Variants in RAB2A observed in about 807,000 individuals in gnomAD.
The protein encoded by RAB2A is ras-related protein Rab-2A.
A neutral mutation model predicts 32.5 loss-of-function variants in RAB2A; 7 were observed. That is an observed-to-expected ratio of 0.22 (90% CI 0.12 to 0.40). The LOEUF (loss-of-function observed/expected upper bound fraction) is 0.40. Ranked by LOEUF, RAB2A falls within the 10% of genes least tolerant of loss-of-function variation. The pLI, the probability that RAB2A is intolerant of heterozygous loss-of-function variation, is 1.00. For missense variants in RAB2A, 108 were observed against 260.7 expected (o/e 0.41, Z 4.03); for synonymous variants, 79 against 85.2 (o/e 0.93, Z 0.40).
chr8:60,583,567 CTT>C (rs920442300), intron 3 of RAB2A, among the ~76,000 whole-genome samples: 8 of 152,082 alleles, frequency 5.3e-5, no homozygotes, highest in East Asian at 1.9e-4. Flanking sequence ...GAGAAAAAAA[CTT>C]ATATAAATTA....
chr8:60,619,126 G>GT (rs1286027511), intron 7 of RAB2A: 1 of 149,838 alleles, frequency 6.7e-6, no homozygotes, highest in African/African-American at 2.5e-5. Context: ...CATGTTTTCA[G>GT]GAGACTAAAT....
At chr8:60,593,192 A>G (rs1199269713) in intron 6 of RAB2A, among the ~76,000 whole-genome samples, 1 of 152,224 alleles carries the variant, frequency 6.6e-6, no homozygotes, top group Admixed American at 6.5e-5. Context: ...TCTGAGAAAT[A>G]TGTCACCAGG....
rs1430200605 is a variant in RAB2A at position 60,622,136 on chromosome 8, A to C, written c.*1367A>C. 1 of 152,226 alleles carries C rather than the reference A, an allele frequency of 6.6e-6. No individual in the cohort carries two copies. Among genetic ancestry groups the C allele is most frequent in the Non-Finnish European group, 1.5e-5 (1 of 68,040 alleles). 9.4% of individuals were successfully genotyped at this position (152,226 alleles called of 1,614,324 possible). The stretch of plus-strand genomic sequence containing the variant: ...CAACCCTTTTTAAAAATTTTGCTAA[A>C]ATGCGACAAATCTCACCATACTGAA... On this transcript the variant is annotated 3_prime_UTR_variant, in exon 8 of 8. Coordinates refer to ENST00000262646, the MANE Select transcript of RAB2A (RefSeq NM_002865.3).
At chr8:60,529,506 G>A (rs1807444347) in intron 1 of RAB2A, among the ~76,000 whole-genome samples, 1 of 152,148 alleles carries the variant, frequency 6.6e-6, no homozygotes, top group Non-Finnish European at 1.5e-5. Context: ...ACATCTTACG[G>A]AGGAGTTACT....
chr8:60,524,035 C>T, intron 1 of RAB2A, among the ~76,000 whole-genome samples: 1 of 152,136 alleles, frequency 6.6e-6, no homozygotes, highest in Non-Finnish European at 1.5e-5. Flanking sequence ...AGTTTATTTA[C>T]TACTTCCTCC....
At chr8:60,589,069 T>C (rs1208090930) in intron 5 of RAB2A, among the ~76,000 whole-genome samples, 1 of 152,206 alleles carries the variant, frequency 6.6e-6, no homozygotes, top group Non-Finnish European at 1.5e-5. Context: ...TTTTAGTCTT[T>C]CTATGATGGA....
At chr8:60,616,032 G>GTAA (rs1440185641) in intron 6 of RAB2A, among the ~76,000 whole-genome samples, 3 of 152,136 alleles carry the variant, frequency 2.0e-5, no homozygotes, top group Non-Finnish European at 4.4e-5. Context: ...GAACGACCAA[G>GTAA]TAATGTAGCA....
rs930523657 is a variant in RAB2A at position 60,594,490 on chromosome 8, G to T, written c.474+2521G>T. ...CACAGTGATTTTTGTTTGTTTGTTT[G>T]TTTTTATTATACTTTAAGTTCTAGG... On this transcript the variant is annotated intron_variant, in intron 6 of 7. Transcript: ENST00000262646. 2.0e-5 allele frequency among the ~76,000 whole-genome samples: 3 copies of T among 152,098 alleles called. No homozygotes were observed. The East Asian group carries it at 5.8e-4, about 29-fold the overall frequency.
intron 1 of RAB2A, among the ~76,000 whole-genome samples, chr8:60,541,948 A>G (rs1563463337): frequency 1.3e-5 from 2 of 152,182 alleles, no homozygotes; most frequent in Non-Finnish European, 1.5e-5. Context: ...GAAACCAGAC[A>G]GTTAAATAAA....
At chr8:60,606,941 C>T (rs1017368809) in intron 6 of RAB2A, among the ~76,000 whole-genome samples, 3 of 152,084 alleles carry the variant, frequency 2.0e-5, no homozygotes, top group South Asian at 2.1e-4. Context: ...TTGGAATTGG[C>T]GGGGGATGCG....
chr8:60,618,567 C>A lies in RAB2A; in HGVS notation c.475-13C>A. On this transcript the variant is annotated splice_polypyrimidine_tract_variant and intron_variant, in intron 6 of 7. Coordinates refer to ENST00000262646, the MANE Select transcript of RAB2A (RefSeq NM_002865.3). ...GGTTTTATATAATATGAACCAATTT[C>A]TCTATATTTCAGGCATTTATTAATA... 1 of 1,190,804 alleles carries A rather than the reference C, an allele frequency of 8.4e-7. No homozygotes were observed. Among genetic ancestry groups the A allele is most frequent in the Non-Finnish European group, 1.1e-6 (1 of 887,660 alleles). The allele number at this position is 1,190,804 out of a possible 1,614,324, so 73.8% of individuals were successfully genotyped here. A position where few individuals can be genotyped will look rare whatever the true frequency, so the allele number is the denominator to read the frequency against.
At chr8:60,584,915 C>A in intron 5 of RAB2A, 100 bp downstream of exon 5, 2 of 766,476 alleles carry the variant, frequency 2.6e-6, no homozygotes, top group South Asian at 3.3e-5. Flanking sequence ...GAGTTACCAG[C>A]CTCTTAAATT....
intron 3 of RAB2A, chr8:60,576,095 A>G (rs898745870): frequency 2.6e-6 from 1 of 389,066 alleles, no homozygotes; most frequent in Non-Finnish European, 5.1e-6. Context: ...GAAGGCCATC[A>G]ATCAGTTTCA....
intron 1 of RAB2A, among the ~76,000 whole-genome samples, chr8:60,537,909 G>A (rs370082041): frequency 2.8e-4 from 42 of 152,142 alleles, no homozygotes; most frequent in African/African-American, 9.9e-4. Context: ...CAAACTCCTG[G>A]CCTCAAGCAG....
intron 6 of RAB2A, among the ~76,000 whole-genome samples, chr8:60,617,474 G>A (rs1416774094): frequency 1.3e-5 from 2 of 152,160 alleles, no homozygotes; most frequent in Non-Finnish European, 1.5e-5. Flanking sequence ...TAATTGAAAT[G>A]TGTTTTTCTC....
At chr8:60,605,467 A>G (rs1804212498) in intron 6 of RAB2A, among the ~76,000 whole-genome samples, 1 of 152,128 alleles carries the variant, frequency 6.6e-6, no homozygotes, top group Admixed American at 6.5e-5. Flanking sequence ...AGAATGGTAG[A>G]TACACCAACA....
At chr8:60,567,232 C>T (rs1212340396) in intron 2 of RAB2A, among the ~76,000 whole-genome samples, 1 of 151,648 alleles carries the variant, frequency 6.6e-6, no homozygotes, top group African/African-American at 2.4e-5. Context: ...TCTTGCGCCT[C>T]AGCCTCCCGA....
intron 1 of RAB2A, among the ~76,000 whole-genome samples, chr8:60,545,209 T>C (rs907269659): frequency 4.5e-5 from 5 of 110,302 alleles, no homozygotes; most frequent in African/African-American, 1.2e-4. Flanking sequence ...TGTGAAGGAC[T>C]CTTTGCCTTA....
chr8:60,619,430 GA>G (rs1563489219), intron 7 of RAB2A, among the ~76,000 whole-genome samples: 2 of 152,152 alleles, frequency 1.3e-5, no homozygotes, highest in Non-Finnish European at 2.9e-5. Flanking sequence ...GTTGCAGTTA[GA>G]AAAGCATTGT....
Sources: gnomAD v4.1 joint callset for allele counts (sites outside exome capture counted in the v4.1 genomes callset) on GRCh38, gnomAD v4.1.1 for gene constraint, MANE v1.5 for transcripts, NCBI Gene and HGNC (gene_info 2026-07-23, HGNC 2026-07-21) for gene names.